Variants in CCNK observed in about 807,000 individuals in gnomAD.
CCNK encodes the protein cyclin-K.
In CCNK, 9 loss-of-function variants were observed where a neutral mutation model predicts 65.0. The ratio of observed to expected loss-of-function variants is 0.14; its 90% CI spans 0.08 to 0.24. The LOEUF is 0.24. Among genes scored for constraint, CCNK ranks in the 10% least tolerant of loss-of-function variants. CCNK has a pLI of 1.00. For missense variants in CCNK, 474 were observed against 720.0 expected, an observed-to-expected ratio of 0.66 and a Z score of 3.91; for synonymous variants, 279 against 270.8, an observed-to-expected ratio of 1.03 and a Z score of -0.30.
At chr14:99,495,389 AAGGT>A (rs1566748730) in intron 3 of CCNK, 105 bp from the exon 4 acceptor site, 1 of 888,032 alleles carries the variant, frequency 1.1e-6, no homozygotes, top group Non-Finnish European at 1.6e-6. Flanking sequence ...GATAAAAAGA[AAGGT>A]AGGGGAATGA....
chr14:99,500,249 C>T (rs1896790541), intron 4 of CCNK: 1 of 152,128 alleles, frequency 6.6e-6, no homozygotes, highest in South Asian at 2.1e-4. Flanking sequence ...TTGATTTGCC[C>T]CCATTTGCAC....
intron 6 of CCNK, 60 bp from the exon 7 acceptor site, chr14:99,502,147 C>T (rs996242468): frequency 1.3e-6 from 2 of 1,492,402 alleles, no homozygotes; most frequent in East Asian, 5.0e-5. Flanking sequence ...TCTCCATGCA[C>T]TGGTTTAATC....
At position 99,510,479 on chromosome 14, in the gene CCNK, C is replaced by G. The variant is rs773061731; in HGVS notation, c.1440C>G (p.Pro480=). 7.7e-7 allele frequency: 1 copy of G among 1,302,892 alleles called. No individual in the cohort carries two copies. Among genetic ancestry groups the G allele is most frequent in the East Asian group, 2.8e-5 (1 of 35,244 alleles). The allele number at this position is 1,302,892 out of a possible 1,614,324, so 80.7% of individuals were successfully genotyped here. ...CCTACCACCCCCATGTCTACCCGCC[C>G]AACCCGCCCCCGCCACCTGTGCCTC... ...HLPYHPHVYP[P]NPPPPPVPPP... Residue 480 remains proline (P), a synonymous_variant, in exon 11 of 11, where the codon CCC becomes CCG. Coordinates refer to ENST00000389879, the MANE Select transcript of CCNK (RefSeq NM_001099402.2).
At chr14:99,498,287 A>G (rs1237829239) in intron 4 of CCNK, among the ~76,000 whole-genome samples, 1 of 152,142 alleles carries the variant, frequency 6.6e-6, no homozygotes, top group East Asian at 1.9e-4. Context: ...GCCCCAGAAA[A>G]TGGGAAAAGA....
chr14:99,509,946 G>A (rs1016711391), intron 10 of CCNK: 32 of 601,048 alleles, frequency 5.3e-5, no homozygotes, highest in South Asian at 1.2e-4. Flanking sequence ...ACCCCAGGTC[G>A]TCGCAGACAG....
chr14:99,491,229 G>A (rs1036527499), intron 1 of CCNK, among the ~76,000 whole-genome samples: 4 of 152,122 alleles, frequency 2.6e-5, no homozygotes, highest in African/African-American at 4.8e-5. Context: ...TTCATAGTTA[G>A]GACAATATTT....
intron 4 of CCNK, among the ~76,000 whole-genome samples, chr14:99,499,463 A>G (rs1291677669): frequency 6.6e-6 from 1 of 152,238 alleles, no homozygotes; most frequent in Admixed American, 6.5e-5. Context: ...TTATAGAATC[A>G]TCTCTGTATC....
intron 4 of CCNK, among the ~76,000 whole-genome samples, chr14:99,499,173 G>A (rs1335651926): frequency 6.6e-6 from 1 of 152,162 alleles, no homozygotes. Context: ...CCAAGTAGGG[G>A]ACTACAGGCG....
chr14:99,481,639 C>T (rs577715799), intron 1 of CCNK, 160 bp downstream of exon 1: 2 of 390,622 alleles, frequency 5.1e-6, no homozygotes, highest in South Asian at 1.4e-4. Context: ...TTGCGGGCGA[C>T]GCGGGGTTGT....
intron 9 of CCNK, 46 bp from the exon 10 acceptor site, chr14:99,507,030 A>G: frequency 9.0e-7 from 1 of 1,105,792 alleles, no homozygotes; most frequent in East Asian, 2.3e-5. Flanking sequence ...ATGCTTATTC[A>G]TGTGAAGAAG....
intron 1 of CCNK, among the ~76,000 whole-genome samples, chr14:99,488,913 C>CT (rs78061502): frequency 0.096 from 13,593 of 141,422 alleles, 1,010 homozygotes; most frequent in African/African-American, 0.21. Flanking sequence ...GCTCCTATGT[C>CT]TTTTTTTTTT....
In CCNK at chr14:99,484,132, C is replaced by A. The variant is rs1240717861; in HGVS notation, c.-53+2653C>A. 2.0e-5 allele frequency among the ~76,000 whole-genome samples: 3 copies of A among 152,210 alleles called. No homozygotes were observed. The East Asian group carries it at 5.8e-4, about 29-fold the overall frequency. On this transcript the variant is annotated intron_variant, in intron 1 of 10. Coordinates refer to ENST00000389879, the MANE Select transcript of CCNK (RefSeq NM_001099402.2). The stretch of plus-strand genomic sequence containing the variant: ...AAAAGTGGTTCTAGGATGTAACATT[C>A]CACTTAAACAGAAGAAAAGCAGTGT...
rs1413745510 is a variant in CCNK, at chr14:99,492,772, C to T, written c.95C>T (p.Ala32Val). The T allele has an allele frequency of 1.2e-6, 2 of 1,613,454 alleles. No homozygotes were observed. The highest frequency in any genetic ancestry group is 1.7e-6 in the Non-Finnish European group (2 of 1,179,754). Reference protein sequence around the residue: ...PCWYWDKKDLAHTPSQLEGLD... With the variant: ...PCWYWDKKDLVHTPSQLEGLD... ...TGGTACTGGGATAAGAAAGACTTGG[C>T]TCATACACCCTCACAACTTGAAGGA... The change falls in exon 2 of 11, where the codon GCT becomes GTT. Residue 32 changes from alanine (A) to valine (V), a missense_variant. Physicochemically the swap from Ala to Val is moderately conservative, Grantham distance 64. Coordinates refer to ENST00000389879, the MANE Select transcript of CCNK (RefSeq NM_001099402.2).
At chr14:99,485,409 C>T (rs1042670251) in intron 1 of CCNK, among the ~76,000 whole-genome samples, 3 of 152,132 alleles carry the variant, frequency 2.0e-5, no homozygotes, top group African/African-American at 7.2e-5. Context: ...TTAGTTACTT[C>T]CTCCCCCTTA....
rs147618533 is a variant in CCNK at position 99,507,205 on chromosome 14, G to A, written c.1117+58G>A. 501 of 1,014,990 alleles carry A rather than the reference G, an allele frequency of 4.9e-4. 3 individuals carry two copies. In the African/African-American group the frequency reaches 6.8e-3, roughly 14 times the overall value. The allele number at this position is 1,014,990 out of a possible 1,614,324, so 62.9% of individuals were successfully genotyped here. A position where few individuals can be genotyped will look rare whatever the true frequency, so the allele number is the denominator to read the frequency against. ...TGCACATCGCCTCTGAATGTTGGAC[G>A]CAGCAGGTCCTGGGAACTTAGAAAA... On this transcript the variant is annotated intron_variant, in intron 10 of 10. Coordinates refer to ENST00000389879, the MANE Select transcript of CCNK (RefSeq NM_001099402.2).
At chr14:99,498,821 C>T (rs1896757468) in intron 4 of CCNK, among the ~76,000 whole-genome samples, 1 of 152,130 alleles carries the variant, frequency 6.6e-6, no homozygotes, top group African/African-American at 2.4e-5. Flanking sequence ...GAAGGCGTTC[C>T]TGAGGAATGA....
rs1197621843 is a variant in CCNK at position 99,512,229 on chromosome 14, G to C, written c.*1447G>C. ...CAGGCCGGGAGTCCACGGGCTCCCAGCTCTAAACGGCGCCAGGGCAGGAAG... is the reference window on the plus strand; with the variant it reads ...CAGGCCGGGAGTCCACGGGCTCCCACCTCTAAACGGCGCCAGGGCAGGAAG... On this transcript the variant is annotated 3_prime_UTR_variant, in exon 11 of 11. Transcript: ENST00000389879. The C allele has an allele frequency of 2.6e-5, 4 of 152,160 alleles. No individual in the cohort carries two copies. The highest frequency in any genetic ancestry group is 7.2e-5 in the African/African-American group (3 of 41,442). The allele number at this position is 152,160 out of a possible 1,614,324, so 9.4% of individuals were successfully genotyped here.
chr14:99,498,046 C>T (rs146892977), intron 4 of CCNK, among the ~76,000 whole-genome samples: 64 of 152,298 alleles, frequency 4.2e-4, no homozygotes, highest in African/African-American at 1.5e-3. Flanking sequence ...GTCACACCCC[C>T]GTCACAGGGG....
intron 1 of CCNK, 108 bp downstream of exon 1, chr14:99,481,587 G>A (rs1024306999): frequency 2.5e-5 from 10 of 396,868 alleles, no homozygotes; most frequent in African/African-American, 2.1e-4. Flanking sequence ...CTCTCTTTCC[G>A]GATTCTGCCT....
Sources: allele counts gnomAD v4.1 joint callset (sites outside exome capture counted in the v4.1 genomes callset), GRCh38; gene constraint gnomAD v4.1.1; transcripts MANE v1.5; gene names NCBI Gene and HGNC (gene_info 2026-07-23, HGNC 2026-07-21).